Variants in OR5K1 observed in about 807,000 individuals in gnomAD.
The protein encoded by OR5K1 is olfactory receptor 5K1.
A neutral mutation model predicts 10.4 loss-of-function variants in OR5K1; 7 were observed. The observed-to-expected ratio is 0.67, with a 90% CI of 0.38 to 1.26. The LOEUF (loss-of-function observed/expected upper bound fraction) is 1.26, where lower values mean the gene tolerates loss of function less well. Ranked by LOEUF, OR5K1 falls within the 50% of genes most tolerant of loss-of-function variation. OR5K1 has a pLI of 0.02. For missense variants in OR5K1, 435 were observed against 366.2 expected, an observed-to-expected ratio of 1.19 and a Z score of -1.53; for synonymous variants, 135 against 128.5, an observed-to-expected ratio of 1.05 and a Z score of -0.34.
chr3:98,469,499 C>G (rs1705414514), intron 1 of OR5K1, 67 bp from the exon 2 acceptor site: 1 of 1,451,884 alleles, frequency 6.9e-7, no homozygotes, highest in East Asian at 2.3e-5. Flanking sequence ...TCCTTTAAGC[C>G]AAAGAGACCT....
At position 98,472,646 on chromosome 3, in the gene OR5K1, CTCTGTCTTAGTCTATTCTCTCTGTCTGGA is replaced by C; in HGVS notation, c.*2144_*2172del. ...AGTAAAATTGGACTCAAAAATGAGA[CTCTGTCTTAGTCTATTCTCTCTGTCTGGA>C]ATATCAAAGGTATGCTCAGAAATAA... On this transcript the variant is annotated 3_prime_UTR_variant, in exon 2 of 2. Coordinates refer to ENST00000642057, the MANE Select transcript of OR5K1 (RefSeq NM_001004736.4). The C allele has an allele frequency of 6.6e-6, 1 of 152,014 alleles. No individual in the cohort carries two copies. Among genetic ancestry groups the C allele is most frequent in the South Asian group, 2.1e-4 (1 of 4,820 alleles). The allele number at this position is 152,014 out of a possible 1,614,324, so 9.4% of individuals were successfully genotyped here. A position where few individuals can be genotyped will look rare whatever the true frequency, so the allele number is the denominator to read the frequency against.
At position 98,471,024 on chromosome 3, in the gene OR5K1, G is replaced by C. The variant is rs555588778; in HGVS notation, c.*521G>C. 1 of 152,272 alleles carries C rather than the reference G, an allele frequency of 6.6e-6. No homozygotes were observed. Among genetic ancestry groups the C allele is most frequent in the African/African-American group, 2.4e-5 (1 of 41,552 alleles). 9.4% of individuals were successfully genotyped at this position (152,272 alleles called of 1,614,324 possible). A position where few individuals can be genotyped will look rare whatever the true frequency, so the allele number is the denominator to read the frequency against. On this transcript the variant is annotated 3_prime_UTR_variant, in exon 2 of 2. Transcript: ENST00000642057. ...AAATCAATTTTAATAGCATTATGGG[G>C]ACATTACTGTAGTTAGAAAGGAAGT...
Position 98,471,985 on chromosome 3 carries a change from A to G in OR5K1, c.*1482A>G, listed in dbSNP as rs1364771074. The G allele has an allele frequency of 6.6e-6, 1 of 152,008 alleles. No individual in the cohort carries two copies. Among genetic ancestry groups the G allele is most frequent in the African/African-American group, 2.4e-5 (1 of 41,410 alleles). 9.4% of individuals were successfully genotyped at this position (152,008 alleles called of 1,614,324 possible). ...ATTCCATCAATTTAGGATTTACCCAACACTACCTACATCCTTCCTTCATCA... is the reference window on the plus strand; with the variant it reads ...ATTCCATCAATTTAGGATTTACCCAGCACTACCTACATCCTTCCTTCATCA... On this transcript the variant is annotated 3_prime_UTR_variant, in exon 2 of 2. Transcript: ENST00000642057.
chr3:98,464,028 G>A (rs955916313), intron 1 of OR5K1, among the ~76,000 whole-genome samples: 4 of 152,164 alleles, frequency 2.6e-5, no homozygotes, highest in Non-Finnish European at 5.9e-5. Flanking sequence ...GCTGAGGCAG[G>A]AGGATCACTT....
At position 98,470,471 on chromosome 3, in the gene OR5K1, A is replaced by T. The variant is rs993395202; in HGVS notation, c.895A>T (p.Ser299Cys). The T allele has an allele frequency of 1.3e-6, 2 of 1,571,692 alleles. No homozygotes were observed. Among genetic ancestry groups the T allele is most frequent in the Non-Finnish European group, 1.7e-6 (2 of 1,146,916 alleles). ...TAGCCTGAGAAATAGGGAAGTAATA[A>T]GTGTCTTAAGAAAAATTCTGATGAA... ...IYSLRNREVISVLRKILMKK is the reference protein window; with the variant it reads ...IYSLRNREVICVLRKILMKK The change falls in exon 2 of 2, where the codon AGT becomes TGT. Residue 299 changes from serine (S) to cysteine (C), a missense_variant. By Grantham distance (112) the Ser-to-Cys change is moderately radical. Coordinates refer to ENST00000642057, the MANE Select transcript of OR5K1 (RefSeq NM_001004736.4).
At position 98,470,980 on chromosome 3, in the gene OR5K1, G is replaced by A. The variant is rs1365960306; in HGVS notation, c.*477G>A. The stretch of plus-strand genomic sequence containing the variant: ...ACTTACATCCATGAGCAACAAAATT[G>A]TGACAAGCGAATTTTGAGAAATCAA... On this transcript the variant is annotated 3_prime_UTR_variant, in exon 2 of 2. Coordinates refer to ENST00000642057, the MANE Select transcript of OR5K1 (RefSeq NM_001004736.4). The A allele has an allele frequency of 1.3e-5, 2 of 152,332 alleles. No individual in the cohort carries two copies. Among genetic ancestry groups the A allele is most frequent in the Admixed American group, 6.6e-5 (1 of 15,234 alleles). 9.4% of individuals were successfully genotyped at this position (152,332 alleles called of 1,614,324 possible).
chr3:98,469,996 C>A lies in OR5K1; in HGVS notation c.420C>A (p.Leu140=). The A allele has an allele frequency of 6.2e-7, 1 of 1,613,682 alleles. No homozygotes were observed. Among genetic ancestry groups the A allele is most frequent in the Non-Finnish European group, 8.5e-7 (1 of 1,179,776 alleles). The change falls in exon 2 of 2, where the codon CTC becomes CTA. Residue 140 remains leucine, a synonymous_variant. Coordinates refer to ENST00000642057, the MANE Select transcript of OR5K1 (RefSeq NM_001004736.4). The stretch of plus-strand genomic sequence containing the variant: ...ACCACATCATGATGTCCAAGAAACT[C>A]TGCATTCAGATGACCACAGGGGCCT... The part of the protein sequence containing the change: ...LQYHIMMSKK[L]CIQMTTGAFI...
In OR5K1 at chr3:98,470,632, A is replaced by G. The variant is rs1705436957; in HGVS notation, c.*129A>G. 1.8e-6 allele frequency: 1 copy of G among 555,392 alleles called. No homozygotes were observed. The highest frequency in any genetic ancestry group is 3.5e-5 in the Admixed American group (1 of 28,600). The allele number at this position is 555,392 out of a possible 1,614,324, so 34.4% of individuals were successfully genotyped here. A position where few individuals can be genotyped will look rare whatever the true frequency, so the allele number is the denominator to read the frequency against. ...GTAAAATTTTAATATATAAGAATAC[A>G]TTCAAATTAAGTGGCAAGAGGTAAG... On this transcript the variant is annotated 3_prime_UTR_variant, in exon 2 of 2. Transcript: ENST00000642057.
At position 98,471,373 on chromosome 3, in the gene OR5K1, G is replaced by A. The variant is rs1001575271; in HGVS notation, c.*870G>A. On this transcript the variant is annotated 3_prime_UTR_variant, in exon 2 of 2. Coordinates refer to ENST00000642057, the MANE Select transcript of OR5K1 (RefSeq NM_001004736.4). Reference sequence around the variant, plus strand: ...ATTATATATAGAAATGTAAAACATAGTGTTGTTAAACTGTAGGTAGAGTTT... The same window carrying A: ...ATTATATATAGAAATGTAAAACATAATGTTGTTAAACTGTAGGTAGAGTTT... 6.6e-6 allele frequency: 1 copy of A among 152,050 alleles called. No individual in the cohort carries two copies. Among genetic ancestry groups the A allele is most frequent in the African/African-American group, 2.4e-5 (1 of 41,532 alleles). The allele number at this position is 152,050 out of a possible 1,614,324, so 9.4% of individuals were successfully genotyped here. A position where few individuals can be genotyped will look rare whatever the true frequency, so the allele number is the denominator to read the frequency against.
At position 98,472,764 on chromosome 3, in the gene OR5K1, G is replaced by A. The variant is rs1688615266; in HGVS notation, c.*2261G>A. ...CTCCTTTTCTTATATCAAAAAATGT[G>A]AACTGCCCTGGTTACTGTCTGAAAC... On this transcript the variant is annotated 3_prime_UTR_variant, in exon 2 of 2. Transcript: ENST00000642057. 6.6e-6 allele frequency: 1 copy of A among 151,888 alleles called. No individual in the cohort carries two copies. Among genetic ancestry groups the A allele is most frequent in the South Asian group, 2.1e-4 (1 of 4,826 alleles). 9.4% of individuals were successfully genotyped at this position (151,888 alleles called of 1,614,324 possible).
intron 1 of OR5K1, among the ~76,000 whole-genome samples, chr3:98,468,117 G>A (rs370013894): frequency 1.7e-4 from 26 of 152,064 alleles, no homozygotes; most frequent in Non-Finnish European, 3.1e-4. Context: ...TCTAGTATAG[G>A]CATTTTTTCT....
At chr3:98,466,040 C>T (rs1460619262) in intron 1 of OR5K1, among the ~76,000 whole-genome samples, 5 of 151,932 alleles carry the variant, frequency 3.3e-5, no homozygotes, top group African/African-American at 9.7e-5. Flanking sequence ...CAATGCTATC[C>T]CTCCCCGGTC....
Position 98,470,428 on chromosome 3 carries a change from A to G in OR5K1, c.852A>G (p.Leu284=). 1 of 1,604,128 alleles carries G rather than the reference A, an allele frequency of 6.2e-7. No individual in the cohort carries two copies. The highest frequency in any genetic ancestry group is 2.2e-5 in the East Asian group (1 of 44,748). The part of the protein sequence containing the change: ...AAILFTIVVP[L]LNPFIYSLRN... Reference sequence around the variant, plus strand: ...TTTTATTTACAATAGTAGTTCCCTTACTAAATCCTTTCATTTATAGCCTGA... The same window carrying G: ...TTTTATTTACAATAGTAGTTCCCTTGCTAAATCCTTTCATTTATAGCCTGA... The change falls in exon 2 of 2, where the codon TTA becomes TTG. Residue 284 remains leucine, a synonymous_variant. Coordinates refer to ENST00000642057, the MANE Select transcript of OR5K1 (RefSeq NM_001004736.4).
intron 1 of OR5K1, among the ~76,000 whole-genome samples, chr3:98,464,469 C>A (rs1190299115): frequency 6.6e-6 from 1 of 152,062 alleles, no homozygotes; most frequent in Non-Finnish European, 1.5e-5. Flanking sequence ...GTCAGTCAAC[C>A]TTTCAAAGCA....
intron 1 of OR5K1, among the ~76,000 whole-genome samples, chr3:98,469,177 A>G (rs6785945): frequency 0.58 from 87,556 of 151,836 alleles, 26,592 homozygotes; most frequent in African/African-American, 0.79. Flanking sequence ...CAAACTAATG[A>G]AGGAACAGAA....
In OR5K1 at chr3:98,469,450, C is replaced by G. The variant is rs947934455; in HGVS notation, c.-11-116C>G. 3.1e-6 allele frequency: 3 copies of G among 972,446 alleles called. No individual in the cohort carries two copies. In the African/African-American group the frequency reaches 4.9e-5, roughly 16 times the overall value. 60.2% of individuals were successfully genotyped at this position (972,446 alleles called of 1,614,324 possible). Reference sequence around the variant, plus strand: ...CCATGAATGGGGCATGCACCAAAGTCCAGGCAACATGAGGAAACATTGTGG... The same window carrying G: ...CCATGAATGGGGCATGCACCAAAGTGCAGGCAACATGAGGAAACATTGTGG... On this transcript the variant is annotated intron_variant, in intron 1 of 1. Transcript: ENST00000642057.
chr3:98,470,431 A>G lies in OR5K1; in HGVS notation c.855A>G (p.Leu285=). 6.2e-7 allele frequency: 1 copy of G among 1,603,094 alleles called. No homozygotes were observed. Residue 285 remains leucine, a synonymous_variant, in exon 2 of 2, where the codon CTA becomes CTG. Coordinates refer to ENST00000642057, the MANE Select transcript of OR5K1 (RefSeq NM_001004736.4). ...AILFTIVVPL[L]NPFIYSLRNR... ...TATTTACAATAGTAGTTCCCTTACTAAATCCTTTCATTTATAGCCTGAGAA... is the reference window on the plus strand; with the variant it reads ...TATTTACAATAGTAGTTCCCTTACTGAATCCTTTCATTTATAGCCTGAGAA...
chr3:98,471,516 A>T lies in OR5K1; in HGVS notation c.*1013A>T, dbSNP rs1705447488. 1 of 151,988 alleles carries T rather than the reference A, an allele frequency of 6.6e-6. No individual in the cohort carries two copies. The highest frequency in any genetic ancestry group is 6.6e-5 in the Admixed American group (1 of 15,238). 9.4% of individuals were successfully genotyped at this position (151,988 alleles called of 1,614,324 possible). On this transcript the variant is annotated 3_prime_UTR_variant, in exon 2 of 2. Transcript: ENST00000642057. ...CTTTCCAATTATTCACTCAACATAT[A>T]TTTATTGAAATCCTGCTATAGGTAG...
At position 98,469,965 on chromosome 3, in the gene OR5K1, T is replaced by C. The variant is rs758770698; in HGVS notation, c.389T>C (p.Leu130Pro). ...CGCTATGTGGCCATATGCAACCCAC[T>C]GCAGTACCACATCATGATGTCCAAG... Reference protein sequence around the residue: ...YDRYVAICNPLQYHIMMSKKL... With the variant: ...YDRYVAICNPPQYHIMMSKKL... The change falls in exon 2 of 2, where the codon CTG becomes CCG. Residue 130 changes from leucine to proline, a missense_variant. Physicochemically the swap from Leu to Pro is moderately conservative, Grantham distance 98. Transcript: ENST00000642057. 2 of 1,613,632 alleles carry C rather than the reference T, an allele frequency of 1.2e-6. No individual in the cohort carries two copies. Among genetic ancestry groups the C allele is most frequent in the Non-Finnish European group, 1.7e-6 (2 of 1,179,820 alleles).
Sources: allele counts gnomAD v4.1 joint callset (sites outside exome capture counted in the v4.1 genomes callset), GRCh38; gene constraint gnomAD v4.1.1; transcripts MANE v1.5; gene names NCBI Gene and HGNC (gene_info 2026-07-23, HGNC 2026-07-21).